Variants in LMBR1 observed in about 807,000 individuals in gnomAD.
The protein encoded by LMBR1 is limb region 1 protein homolog.
In LMBR1, 52 loss-of-function variants were observed where a neutral mutation model predicts 73.9. The observed-to-expected ratio is 0.70, with a 90% CI of 0.56 to 0.89. The LOEUF is 0.89. Ranked by LOEUF, LMBR1 falls within the 40% of genes least tolerant of loss-of-function variation. The pLI is 0.00. For missense variants in LMBR1, 539 were observed against 579.8 expected (o/e 0.93, Z 0.72); for synonymous variants, 215 against 209.4 (o/e 1.03, Z -0.23).
At chr7:156,721,553 TAC>T (rs1418680466) in intron 15 of LMBR1, among the ~76,000 whole-genome samples, 13 of 152,080 alleles carry the variant, frequency 8.5e-5, no homozygotes, top group African/African-American at 3.1e-4. Context: ...TTACTAAAAA[TAC>T]AGACATCAAA....
chr7:156,729,567 G>A (rs576924970), intron 10 of LMBR1, among the ~76,000 whole-genome samples: 168 of 151,294 alleles, frequency 1.1e-3, no homozygotes, highest in African/African-American at 3.8e-3. Context: ...TCTGCCTGCC[G>A]GGTTCAAGTG....
intron 5 of LMBR1, among the ~76,000 whole-genome samples, chr7:156,791,599 T>A (rs1440178109): frequency 6.6e-6 from 1 of 152,242 alleles, no homozygotes; most frequent in African/African-American, 2.4e-5. Context: ...GTCATGTTGC[T>A]CAGCTTTATA....
At chr7:156,756,336 C>CT in intron 9 of LMBR1, 57 bp downstream of exon 9, 1 of 851,606 alleles carries the variant, frequency 1.2e-6, no homozygotes, top group Non-Finnish European at 2.0e-6. Context: ...AATTATCTAT[C>CT]TTTTTGAAAT....
chr7:156,774,466 T>C (rs988314061), intron 5 of LMBR1, among the ~76,000 whole-genome samples: 4 of 152,218 alleles, frequency 2.6e-5, no homozygotes, highest in African/African-American at 9.6e-5. Context: ...ATAACCTATA[T>C]GCTCATCAAG....
At chr7:156,714,339 A>G (rs1446150461) in intron 15 of LMBR1, among the ~76,000 whole-genome samples, 1 of 152,256 alleles carries the variant, frequency 6.6e-6, no homozygotes, top group Non-Finnish European at 1.5e-5. Flanking sequence ...TTCATGGCTG[A>G]GCTGAGTCTT....
chr7:156,782,233 T>C (rs1019153421), intron 5 of LMBR1, among the ~76,000 whole-genome samples: 6 of 152,232 alleles, frequency 3.9e-5, no homozygotes, highest in African/African-American at 2.4e-5. Flanking sequence ...CACAGTTGGA[T>C]TGCTTCCACC....
intron 1 of LMBR1, among the ~76,000 whole-genome samples, chr7:156,844,886 T>C (rs1399217685): frequency 6.6e-6 from 1 of 152,214 alleles, no homozygotes; most frequent in African/African-American, 2.4e-5. Flanking sequence ...AGTAACTGAA[T>C]AGTACCTTTA....
intron 9 of LMBR1, among the ~76,000 whole-genome samples, chr7:156,748,490 A>AT (rs547652353): frequency 7.1e-4 from 107 of 151,536 alleles, no homozygotes; most frequent in Non-Finnish European, 9.3e-4. Flanking sequence ...ACAAATTTGG[A>AT]TTTTTTTTTC....
intron 5 of LMBR1, among the ~76,000 whole-genome samples, chr7:156,764,251 G>A (rs1257222630): frequency 6.6e-6 from 1 of 152,100 alleles, no homozygotes; most frequent in Non-Finnish European, 1.5e-5. Flanking sequence ...ACAGCCTCCG[G>A]AGCCCTCTAC....
chr7:156,890,913 C>G (rs915754856), intron 1 of LMBR1, among the ~76,000 whole-genome samples: 1 of 151,984 alleles, frequency 6.6e-6, no homozygotes, highest in African/African-American at 2.4e-5. Flanking sequence ...ATAGCCAGCC[C>G]GGCGTGGTGG....
At chr7:156,843,627 C>T (rs950336976) in intron 1 of LMBR1, among the ~76,000 whole-genome samples, 2 of 152,092 alleles carry the variant, frequency 1.3e-5, no homozygotes, top group African/African-American at 4.8e-5. Flanking sequence ...AGTTGGATCA[C>T]TTGAGGTCAG....
At chr7:156,736,831 A>T (rs1363607379) in intron 9 of LMBR1, among the ~76,000 whole-genome samples, 1 of 152,034 alleles carries the variant, frequency 6.6e-6, no homozygotes, top group Non-Finnish European at 1.5e-5. Context: ...TTTTTCTTTT[A>T]CTTAATTTTC....
intron 5 of LMBR1, among the ~76,000 whole-genome samples, chr7:156,767,142 C>T (rs996422249): frequency 3.9e-5 from 6 of 152,032 alleles, no homozygotes; most frequent in Admixed American, 6.6e-5. Context: ...TGGGGGTCTC[C>T]CTGTCCTTCA....
intron 8 of LMBR1, among the ~76,000 whole-genome samples, chr7:156,756,909 C>T (rs973026076): frequency 1.3e-5 from 2 of 152,092 alleles, no homozygotes; most frequent in South Asian, 2.1e-4. Flanking sequence ...CTCTGCCTCC[C>T]GGGGTCAAGC....
chr7:156,761,179 G>A (rs1325590401), intron 8 of LMBR1, among the ~76,000 whole-genome samples: 1 of 152,174 alleles, frequency 6.6e-6, no homozygotes, highest in Non-Finnish European at 1.5e-5. Context: ...ACTGAGTGTG[G>A]ACCAGGCTGT....
rs546458938 is a variant in LMBR1 at position 156,874,571 on chromosome 7, T to C, written c.66+18357A>G. Among the ~76,000 whole-genome samples, 10 of 152,346 alleles carry C rather than the reference T, an allele frequency of 6.6e-5. No homozygotes were observed. The East Asian group carries it at 1.7e-3, about 26-fold the overall frequency. On this transcript the variant is annotated intron_variant, in intron 1 of 16. Coordinates refer to ENST00000353442, the MANE Select transcript of LMBR1 (RefSeq NM_022458.4). The stretch of plus-strand genomic sequence containing the variant: ...CCAGCACACTGTCACCTCTCACAAA[T>C]GCTGTGCAGTTATCGACAGCTGAGA...
At chr7:156,831,686 C>T (rs891414744) in intron 3 of LMBR1, among the ~76,000 whole-genome samples, 3 of 152,192 alleles carry the variant, frequency 2.0e-5, no homozygotes, top group African/African-American at 7.2e-5. Context: ...GCTGTGCCAG[C>T]TGCCCCAAAA....
intron 1 of LMBR1, among the ~76,000 whole-genome samples, chr7:156,849,844 T>C (rs1042089317): frequency 6.6e-6 from 1 of 152,166 alleles, no homozygotes; most frequent in Non-Finnish European, 1.5e-5. Flanking sequence ...TAAGTCATGA[T>C]GTTCAACCCA....
intron 1 of LMBR1, among the ~76,000 whole-genome samples, chr7:156,888,519 G>T (rs1162046319): frequency 6.6e-6 from 1 of 152,024 alleles, no homozygotes; most frequent in African/African-American, 2.4e-5. Flanking sequence ...CATGATCACA[G>T]CAGCATTATT....
Sources: allele counts gnomAD v4.1 joint callset (sites outside exome capture counted in the v4.1 genomes callset), GRCh38; gene constraint gnomAD v4.1.1; transcripts MANE v1.5; gene names NCBI Gene and HGNC (gene_info 2026-07-23, HGNC 2026-07-21).